The following MAPRE3 variants were observed in gnomAD, a reference collection of about 807,000 sequenced individuals.
The protein encoded by MAPRE3 is microtubule-associated protein RP/EB family member 3.
A neutral mutation model predicts 30.5 loss-of-function variants in MAPRE3; 2 were observed. The observed-to-expected ratio is 0.07, with a 90% CI of 0.03 to 0.21. The LOEUF (loss-of-function observed/expected upper bound fraction) is 0.21, where lower values mean the gene tolerates loss of function less well. Among genes scored for constraint, MAPRE3 ranks in the 10% least tolerant of loss-of-function variants. MAPRE3 has a pLI of 1.00. For synonymous variants in MAPRE3, 110 were observed against 127.7 expected (o/e 0.86, Z 0.93); for missense variants, 204 against 351.8 (o/e 0.58, Z 3.36).
At chr2:27,011,845 CAAA>C (rs377088615) in intron 1 of MAPRE3, 4 of 69,568 alleles carry the variant, frequency 5.7e-5, no homozygotes, top group African/African-American at 1.3e-4. Flanking sequence ...GACTCCATCT[CAAA>C]AAAAAAAAAA....
intron 1 of MAPRE3, chr2:27,002,283 G>A (rs1447436339): frequency 1.3e-5 from 2 of 152,118 alleles, no homozygotes; most frequent in African/African-American, 2.4e-5. Flanking sequence ...GGACATTTCG[G>A]TGGTTTCCAG....
chr2:26,997,357 T>C (rs754663012), intron 1 of MAPRE3, among the ~76,000 whole-genome samples: 2 of 152,182 alleles, frequency 1.3e-5, no homozygotes, highest in Admixed American at 6.5e-5. Context: ...GGAGTTTTTT[T>C]GTGATTTTTT....
chr2:27,005,571 G>A (rs1666706736), intron 1 of MAPRE3, among the ~76,000 whole-genome samples: 1 of 152,202 alleles, frequency 6.6e-6, no homozygotes, highest in Non-Finnish European at 1.5e-5. Context: ...AGGAAAGAAA[G>A]CAACACTGAA....
intron 1 of MAPRE3, among the ~76,000 whole-genome samples, chr2:27,008,722 T>C (rs1478816150): frequency 6.6e-6 from 1 of 152,126 alleles, no homozygotes; most frequent in African/African-American, 2.4e-5. Context: ...CAGACTTCCA[T>C]GGACAAAGCA....
intron 1 of MAPRE3, among the ~76,000 whole-genome samples, chr2:27,021,732 C>T (rs982433215): frequency 6.6e-6 from 1 of 152,170 alleles, no homozygotes; most frequent in African/African-American, 2.4e-5. Context: ...TCAGAGTGCC[C>T]GGAATAAGCT....
At chr2:27,003,672 G>A (rs967892873) in intron 1 of MAPRE3, among the ~76,000 whole-genome samples, 4 of 152,170 alleles carry the variant, frequency 2.6e-5, no homozygotes, top group Non-Finnish European at 5.9e-5. Flanking sequence ...TCCAGCTCAC[G>A]GCTTCTACCC....
intron 3 of MAPRE3, chr2:27,023,823 C>A (rs932093680): frequency 5.9e-6 from 3 of 511,156 alleles, no homozygotes; most frequent in Non-Finnish European, 1.1e-5. Flanking sequence ...TGGCTGCAGA[C>A]CCCCAGCCCA....
chr2:26,993,701 T>A (rs995640555), intron 1 of MAPRE3, among the ~76,000 whole-genome samples: 4 of 152,144 alleles, frequency 2.6e-5, no homozygotes, highest in African/African-American at 9.7e-5. Context: ...CCCATGAGAT[T>A]GCCAGGTTGA....
In MAPRE3 at chr2:26,979,353, A is replaced by C. The variant is rs764391018; in HGVS notation, c.-8+8551A>C. Among the ~76,000 whole-genome samples the C allele has an allele frequency of 1.2e-4, 19 of 152,322 alleles. No individual in the cohort carries two copies. In the Middle Eastern group the frequency reaches 0.02, roughly 164 times the overall value. On this transcript the variant is annotated intron_variant, in intron 1 of 6. Coordinates refer to ENST00000233121, the MANE Select transcript of MAPRE3 (RefSeq NM_012326.4). Reference sequence around the variant, plus strand: ...GTCATACCAACACTTTGGGAGGCCAAGGGGGGAGGATCACTTGAGGCCAGG... The same window carrying C: ...GTCATACCAACACTTTGGGAGGCCACGGGGGGAGGATCACTTGAGGCCAGG...
intron 1 of MAPRE3, among the ~76,000 whole-genome samples, chr2:27,007,670 T>C (rs1426508959): frequency 6.6e-6 from 1 of 152,172 alleles, no homozygotes; most frequent in Non-Finnish European, 1.5e-5. Flanking sequence ...TCAGGACTTG[T>C]GAAAAGTACA....
At chr2:26,991,570 G>A (rs930818298) in intron 1 of MAPRE3, among the ~76,000 whole-genome samples, 2 of 152,136 alleles carry the variant, frequency 1.3e-5, no homozygotes, top group Admixed American at 1.3e-4. Context: ...TGCCTGCCCC[G>A]AGGTAGTCCC....
chr2:26,989,527 T>C (rs1265453452), intron 1 of MAPRE3, among the ~76,000 whole-genome samples: 1 of 152,164 alleles, frequency 6.6e-6, no homozygotes, highest in East Asian at 1.9e-4. Context: ...TTCTGTAAAA[T>C]GAGGTTATTG....
intron 1 of MAPRE3, among the ~76,000 whole-genome samples, chr2:27,000,030 A>G (rs543846955): frequency 2.0e-5 from 3 of 152,338 alleles, no homozygotes; most frequent in South Asian, 4.1e-4. Context: ...ATTGTTTTCA[A>G]ACTACTTATC....
intron 1 of MAPRE3, among the ~76,000 whole-genome samples, chr2:27,006,211 A>C (rs12997235): frequency 0.36 from 55,143 of 151,778 alleles, 10,441 homozygotes; most frequent in Admixed American, 0.51. Flanking sequence ...AAAACAAAAA[A>C]AAAACAAGTG....
rs546850464 is a variant in MAPRE3, at chr2:26,987,958, T to A, written c.-8+17156T>A. ...CACAAAGGTCTGAGACTCCAATTAA[T>A]GAATTTCACTTTAAAAAGAAGTTTG... On this transcript the variant is annotated intron_variant, in intron 1 of 6. Transcript: ENST00000233121. Among the ~76,000 whole-genome samples, 5 of 152,384 alleles carry A rather than the reference T, an allele frequency of 3.3e-5. No individual in the cohort carries two copies. The South Asian group carries it at 1.0e-3, about 32-fold the overall frequency.
In MAPRE3 at chr2:27,018,297, G is replaced by A. The variant is rs537588552; in HGVS notation, c.-7-3915G>A. 3.3e-5 allele frequency among the ~76,000 whole-genome samples: 5 copies of A among 152,226 alleles called. No individual in the cohort carries two copies. In the South Asian group the frequency reaches 1.0e-3, roughly 32 times the overall value. ...GCCTCATAGGGAAATGAGTCTCTGAGCCTGTGGAACACTCCTGCAGAGTCA... is the reference window on the plus strand; with the variant it reads ...GCCTCATAGGGAAATGAGTCTCTGAACCTGTGGAACACTCCTGCAGAGTCA... On this transcript the variant is annotated intron_variant, in intron 1 of 6. Transcript: ENST00000233121.
At chr2:27,000,391 T>C (rs917719874) in intron 1 of MAPRE3, among the ~76,000 whole-genome samples, 1 of 151,952 alleles carries the variant, frequency 6.6e-6, no homozygotes, top group African/African-American at 2.4e-5. Context: ...TATGAGGCTG[T>C]GGAGGCCCAG....
chr2:27,008,937 A>G (rs1666790147), intron 1 of MAPRE3, among the ~76,000 whole-genome samples: 1 of 152,206 alleles, frequency 6.6e-6, no homozygotes, highest in East Asian at 1.9e-4. Context: ...CTGAGAAGAA[A>G]AAAAGCCAGT....
At chr2:26,974,184 T>C (rs1344087317) in intron 1 of MAPRE3, among the ~76,000 whole-genome samples, 2 of 152,196 alleles carry the variant, frequency 1.3e-5, no homozygotes, top group African/African-American at 4.8e-5. Flanking sequence ...CAACACCACA[T>C]TGCCTCATCC....
Sources: gnomAD v4.1 joint callset for allele counts (sites outside exome capture counted in the v4.1 genomes callset) on GRCh38, gnomAD v4.1.1 for gene constraint, MANE v1.5 for transcripts, NCBI Gene and HGNC (gene_info 2026-07-23, HGNC 2026-07-21) for gene names.